ATP6V0A1: variants seen among roughly 807,000 people sequenced by gnomAD.
ATP6V0A1 encodes the protein ATPase H+ transporting V0 subunit a1.
ATP6V0A1 carries 43 observed loss-of-function variants against 105.4 expected under a neutral mutation model. That is an observed-to-expected ratio of 0.41 (90% CI 0.32 to 0.53). The LOEUF (loss-of-function observed/expected upper bound fraction) is 0.53, where lower values mean the gene tolerates loss of function less well. Among genes scored for constraint, ATP6V0A1 ranks in the 20% least tolerant of loss-of-function variants. The pLI is 0.30. For synonymous variants in ATP6V0A1, 362 were observed against 372.8 expected, an observed-to-expected ratio of 0.97 and a Z score of 0.33; for missense variants, 676 against 1,051.1, an observed-to-expected ratio of 0.64 and a Z score of 4.93.
intron 5 of ATP6V0A1, 144 bp downstream of exon 5, chr17:42,470,362 A>G: frequency 1.3e-5 from 13 of 1,020,198 alleles, no homozygotes; most frequent in Non-Finnish European, 1.7e-5. Context: ...CAGAAATGTG[A>G]GATTATGTTC....
At chr17:42,506,431 T>C (rs1026537440) in intron 17 of ATP6V0A1, among the ~76,000 whole-genome samples, 4 of 152,176 alleles carry the variant, frequency 2.6e-5, no homozygotes, top group Non-Finnish European at 5.9e-5. Context: ...CATTAAACTG[T>C]GATGAGAGCT....
intron 3 of ATP6V0A1, among the ~76,000 whole-genome samples, chr17:42,467,020 G>A (rs576174184): frequency 1.1e-4 from 16 of 152,056 alleles, no homozygotes; most frequent in African/African-American, 3.9e-4. Context: ...GGTGGCAGGC[G>A]CCTGTAATCC....
chr17:42,481,409 A>T (rs1336782568), intron 8 of ATP6V0A1: 1 of 151,394 alleles, frequency 6.6e-6, no homozygotes, highest in Admixed American at 6.6e-5. Flanking sequence ...TTTAGTAGAG[A>T]TGGGGTTTCG....
chr17:42,511,536 G>C (rs1159067790), intron 19 of ATP6V0A1: 1 of 151,860 alleles, frequency 6.6e-6, no homozygotes, highest in Non-Finnish European at 1.5e-5. Context: ...AAAAAAGGAA[G>C]AACCTCGATG....
At chr17:42,467,880 A>G (rs952127022) in intron 3 of ATP6V0A1, 130 bp from the exon 4 acceptor site, 4 of 240,092 alleles carry the variant, frequency 1.7e-5, no homozygotes, top group African/African-American at 2.3e-5. Flanking sequence ...TCTTTTATAT[A>G]TATATATAAA....
chr17:42,483,196 C>A, intron 9 of ATP6V0A1, 65 bp downstream of exon 9: 1 of 1,230,038 alleles, frequency 8.1e-7, no homozygotes, highest in South Asian at 2.2e-5. Context: ...ATTATCCTTC[C>A]TTGAAATGCT....
intron 15 of ATP6V0A1, among the ~76,000 whole-genome samples, chr17:42,500,075 A>C (rs958993064): frequency 1.7e-4 from 18 of 103,744 alleles, no homozygotes; most frequent in Admixed American, 6.4e-4. Flanking sequence ...CCATCTCTAC[A>C]AAAAAAAAAA....
Position 42,477,717 on chromosome 17 carries a change from G to A in ATP6V0A1, c.481G>A (p.Gly161Arg), listed in dbSNP as rs1480359299. 1.2e-6 allele frequency: 2 copies of A among 1,613,832 alleles called. No individual in the cohort carries two copies. The highest frequency in any genetic ancestry group is 1.7e-6 in the Non-Finnish European group (2 of 1,179,840). Residue 161 changes from glycine to arginine, a missense_variant, in exon 6 of 22, where the codon GGA becomes AGA. Gly to Arg is a moderately radical substitution (Grantham distance 125). This residue lies in a region of ATP6V0A1 where 239 missense variants were observed against 388.4 expected (regional missense o/e 0.62). Transcript: ENST00000343619. ...ATCCCTCTTGGAGCCAAGTGAGATGGGAAGAGGCACTCCTTTAAGACTTGG... is the reference window on the plus strand; with the variant it reads ...ATCCCTCTTGGAGCCAAGTGAGATGAGAAGAGGCACTCCTTTAAGACTTGG... ...SSSLLEPSEM[G>R]RGTPLRLGFV...
Position 42,495,639 on chromosome 17 carries a change from C to T in ATP6V0A1, c.1483C>T (p.Arg495Trp), listed in dbSNP as rs781278654. ...FTYNWTEETL[R>W]GNPVLQLNPA... is the part of the protein sequence containing the mutation. ...CTGTCATGGTAGTGAAGAGACGCTT[C>T]GGGGGAACCCTGTTCTACAGCTGAA... The change falls in exon 14 of 22, where the codon CGG (arginine) becomes TGG (tryptophan). Residue 495 changes from arginine (R) to tryptophan (W), a missense_variant. Coordinates refer to ENST00000343619, the MANE Select transcript of ATP6V0A1 (RefSeq NM_001130021.3). 1.4e-5 allele frequency: 23 copies of T among 1,613,332 alleles called. No individual in the cohort carries two copies. Among genetic ancestry groups the T allele is most frequent in the African/African-American group, 2.7e-5 (2 of 74,862 alleles).
chr17:42,468,390 A>G (rs1055570506), intron 4 of ATP6V0A1, among the ~76,000 whole-genome samples: 4 of 151,934 alleles, frequency 2.6e-5, no homozygotes, highest in African/African-American at 7.3e-5. Flanking sequence ...GAACATTTCA[A>G]TTCTTCTCTT....
At chr17:42,505,691 C>T (rs1811688916) in intron 17 of ATP6V0A1, among the ~76,000 whole-genome samples, 1 of 152,138 alleles carries the variant, frequency 6.6e-6, no homozygotes, top group Admixed American at 6.5e-5. Flanking sequence ...TTCCACTGGA[C>T]ATGCCAAAGT....
intron 3 of ATP6V0A1, 132 bp downstream of exon 3, chr17:42,466,639 A>G (rs996778573): frequency 1.3e-6 from 1 of 742,800 alleles, no homozygotes; most frequent in South Asian, 2.1e-5. Context: ...TAAGATGCCA[A>G]GGTGTATTTC....
chr17:42,516,378 C>T (rs2092626475), intron 21 of ATP6V0A1, among the ~76,000 whole-genome samples: 1 of 152,144 alleles, frequency 6.6e-6, no homozygotes, highest in Non-Finnish European at 1.5e-5. Context: ...CGTCAGTAGA[C>T]CTGGCTTCCT....
chr17:42,489,808 A>G (rs888553885), intron 10 of ATP6V0A1, among the ~76,000 whole-genome samples: 12 of 152,132 alleles, frequency 7.9e-5, no homozygotes, highest in African/African-American at 2.9e-4. Flanking sequence ...AATGGGAGTC[A>G]TGAGAATGGA....
At chr17:42,480,794 C>G in intron 8 of ATP6V0A1, 45 bp downstream of exon 8, 3 of 1,561,368 alleles carry the variant, frequency 1.9e-6, no homozygotes, top group Non-Finnish European at 2.6e-6. Flanking sequence ...CCATGCTGCC[C>G]AACTGTTGAG....
chr17:42,477,385 AT>A (rs1475429823), intron 5 of ATP6V0A1, among the ~76,000 whole-genome samples: 1 of 151,848 alleles, frequency 6.6e-6, no homozygotes, highest in Non-Finnish European at 1.5e-5. Context: ...CCATCACTTA[AT>A]TTTTTTTCCT....
intron 19 of ATP6V0A1, chr17:42,510,893 C>A (rs2092316138): frequency 6.6e-6 from 1 of 152,116 alleles, no homozygotes; most frequent in Non-Finnish European, 1.5e-5. Flanking sequence ...AAGGAAGGAA[C>A]CAATATGAGA....
intron 8 of ATP6V0A1, 78 bp downstream of exon 8, chr17:42,480,827 A>T: frequency 2.3e-6 from 3 of 1,328,852 alleles, no homozygotes; most frequent in Non-Finnish European, 3.1e-6. Flanking sequence ...CAATAGTGAA[A>T]TACAAATCCT....
intron 19 of ATP6V0A1, among the ~76,000 whole-genome samples, chr17:42,509,275 G>A (rs2092220197): frequency 6.6e-6 from 1 of 152,074 alleles, no homozygotes; most frequent in Non-Finnish European, 1.5e-5. Context: ...AACTGTTCAG[G>A]CCACATCTCG....
Sources: allele counts gnomAD v4.1 joint callset (sites outside exome capture counted in the v4.1 genomes callset), GRCh38; gene constraint gnomAD v4.1.1; regional missense constraint gnomAD v4.1.1; transcripts MANE v1.5; gene names NCBI Gene and HGNC (gene_info 2026-07-23, HGNC 2026-07-21).